SERINC5: variants seen among roughly 807,000 people sequenced by gnomAD.
SERINC5 encodes chromosome 5 open reading frame 12.
Under a neutral mutation model 63.1 loss-of-function variants are expected in SERINC5, and 41 were observed. That is an observed-to-expected ratio of 0.65 (90% CI 0.51 to 0.84). The LOEUF is 0.84. SERINC5 is among the 40% of genes least tolerant of loss of function. The pLI, the probability that SERINC5 is intolerant of heterozygous loss-of-function variation, is 0.00. For synonymous variants in SERINC5, 222 were observed against 215.2 expected (o/e 1.03, Z -0.28); for missense variants, 523 against 573.0 (o/e 0.91, Z 0.89).
chr5:80,171,902 AGAAAG>A (rs1321024716), intron 5 of SERINC5, among the ~76,000 whole-genome samples: 2 of 152,144 alleles, frequency 1.3e-5, no homozygotes, highest in Non-Finnish European at 2.9e-5. Context: ...AGACAAAAAA[AGAAAG>A]GAAAGAAAGA....
At chr5:80,210,853 C>T (rs920505929) in intron 1 of SERINC5, among the ~76,000 whole-genome samples, 16 of 152,206 alleles carry the variant, frequency 1.1e-4, no homozygotes, top group African/African-American at 2.4e-4. Context: ...AGGTAGATGA[C>T]GGGTGGTAGA....
At chr5:80,203,975 C>A (rs1376752373) in intron 1 of SERINC5, among the ~76,000 whole-genome samples, 3 of 152,108 alleles carry the variant, frequency 2.0e-5, no homozygotes, top group Non-Finnish European at 4.4e-5. Flanking sequence ...AATAGTGCCT[C>A]CATAAAAACC....
chr5:80,251,144 T>C (rs564245692), intron 1 of SERINC5, among the ~76,000 whole-genome samples: 1 of 152,182 alleles, frequency 6.6e-6, no homozygotes, highest in South Asian at 2.1e-4. Flanking sequence ...CCAGGCATGG[T>C]AGAACGCACC....
intron 7 of SERINC5, among the ~76,000 whole-genome samples, chr5:80,163,144 T>G (rs753259214): frequency 6.7e-6 from 1 of 149,660 alleles, no homozygotes; most frequent in African/African-American, 2.4e-5. Flanking sequence ...TGTGAGCCAA[T>G]GCACCCAGCC....
At chr5:80,151,717 G>A (rs1746193278) in intron 8 of SERINC5, among the ~76,000 whole-genome samples, 1 of 152,154 alleles carries the variant, frequency 6.6e-6, no homozygotes, top group African/African-American at 2.4e-5. Flanking sequence ...TAACTTTACA[G>A]ATTGATTTAG....
intron 2 of SERINC5, among the ~76,000 whole-genome samples, chr5:80,186,126 GAAAAAAA>G (rs10554934): frequency 8.0e-4 from 49 of 61,436 alleles, no homozygotes; most frequent in African/African-American, 2.1e-3. Flanking sequence ...TTCTTGTTTT[GAAAAAAA>G]AAAAAAAAAA....
chr5:80,249,237 C>T (rs1752293183), intron 1 of SERINC5, among the ~76,000 whole-genome samples: 2 of 151,552 alleles, frequency 1.3e-5, no homozygotes, highest in Non-Finnish European at 2.9e-5. Context: ...ATGGTGTGAA[C>T]CTGGGAGGCG....
chr5:80,183,934 G>T (rs1320569803), intron 2 of SERINC5, among the ~76,000 whole-genome samples: 1 of 152,194 alleles, frequency 6.6e-6, no homozygotes, highest in Non-Finnish European at 1.5e-5. Flanking sequence ...TGAGAAGTCA[G>T]TCACACAGGT....
At chr5:80,125,410 G>C (rs1744710079) in intron 11 of SERINC5, among the ~76,000 whole-genome samples, 1 of 152,208 alleles carries the variant, frequency 6.6e-6, no homozygotes, top group Admixed American at 6.5e-5. Context: ...GAGCTTGATA[G>C]AAATAGGGAA....
chr5:80,218,315 C>T (rs143007675), intron 1 of SERINC5, among the ~76,000 whole-genome samples: 3 of 152,144 alleles, frequency 2.0e-5, no homozygotes, highest in African/African-American at 7.2e-5. Context: ...CCAAGGTGGG[C>T]GGATCACCTG....
intron 9 of SERINC5, among the ~76,000 whole-genome samples, chr5:80,149,096 T>C (rs922890019): frequency 2.0e-5 from 3 of 152,220 alleles, no homozygotes; most frequent in Non-Finnish European, 2.9e-5. Context: ...CCATCCCGCA[T>C]GCTCTCCAGT....
downstream of SERINC5, among the ~76,000 whole-genome samples, chr5:80,111,366 C>T (rs1744102995): frequency 1.3e-5 from 2 of 152,070 alleles, no homozygotes; most frequent in South Asian, 4.1e-4. Flanking sequence ...AGCAGTCTTA[C>T]AGAAGTAAAA....
In SERINC5 at chr5:80,181,416, T is replaced by TGTGTGTGTGTGTGTGTGTG. The variant is rs1580124918; in HGVS notation, c.196-3353_196-3352insCACACACACACACACACAC. ...CATGCACCACCAAGCTCAGCTAATTTTGTGTGTGTGTGTGTGTGTGTGTGT... is the reference window on the plus strand; with the variant it reads ...CATGCACCACCAAGCTCAGCTAATTTGTGTGTGTGTGTGTGTGTGTGTGTGTGTGTGTGTGTGTGTGTGT... On this transcript the variant is annotated intron_variant, in intron 2 of 11. Coordinates refer to ENST00000507668, the MANE Select transcript of SERINC5 (RefSeq NM_001174072.3). Among the ~76,000 whole-genome samples, 969 of 145,428 alleles carry TGTGTGTGTGTGTGTGTGTG rather than the reference T, an allele frequency of 6.7e-3. 26 individuals carry two copies. Among genetic ancestry groups the TGTGTGTGTGTGTGTGTGTG allele is most frequent in the East Asian group, 0.031 (133 of 4,296 alleles).
chr5:80,214,961 T>C (rs1750599538), intron 1 of SERINC5, among the ~76,000 whole-genome samples: 1 of 152,160 alleles, frequency 6.6e-6, no homozygotes, highest in African/African-American at 2.4e-5. Flanking sequence ...AAAAAAAAAT[T>C]CCTTAAGCCT....
At chr5:80,236,323 C>T (rs1236034767) in intron 1 of SERINC5, among the ~76,000 whole-genome samples, 2 of 152,098 alleles carry the variant, frequency 1.3e-5, no homozygotes, top group Non-Finnish European at 2.9e-5. Flanking sequence ...GGCACACCAC[C>T]AGTAAATGGC....
rs147815315 is a variant in SERINC5 at position 80,141,330 on chromosome 5, G to C, written c.*2333C>G. ...GGCTGGGCTGGCTCCAGAAGGAAGC[G>C]ACGAGGGCCTTCTACCGGCCACACT... On this transcript the variant is annotated 3_prime_UTR_variant, in exon 12 of 12. Coordinates refer to ENST00000507668, the MANE Select transcript of SERINC5 (RefSeq NM_001174072.3). 3 of 985,432 alleles carry C rather than the reference G, an allele frequency of 3.0e-6. No homozygotes were observed. Among genetic ancestry groups the C allele is most frequent in the Non-Finnish European group, 3.6e-6 (3 of 829,942 alleles). 61.0% of individuals were successfully genotyped at this position (985,432 alleles called of 1,614,324 possible).
chr5:80,229,750 G>A (rs1035354), intron 1 of SERINC5, among the ~76,000 whole-genome samples: 80,916 of 152,008 alleles, frequency 0.53, 22,832 homozygotes, highest in African/African-American at 0.73. Flanking sequence ...TGCCTGGTCC[G>A]TAAGTGTTTA....
chr5:80,175,589 C>T (rs1747974012), intron 4 of SERINC5, among the ~76,000 whole-genome samples: 1 of 152,094 alleles, frequency 6.6e-6, no homozygotes, highest in Admixed American at 6.6e-5. Flanking sequence ...TGAGCTGGGG[C>T]TGGGCACAGT....
At chr5:80,216,834 G>A (rs1750690014) in intron 1 of SERINC5, among the ~76,000 whole-genome samples, 1 of 151,942 alleles carries the variant, frequency 6.6e-6, no homozygotes, top group Non-Finnish European at 1.5e-5. Flanking sequence ...AACATAGTGA[G>A]ACACTGTCTC....
Sources: gnomAD v4.1 joint callset for allele counts (sites outside exome capture counted in the v4.1 genomes callset) on GRCh38, gnomAD v4.1.1 for gene constraint, MANE v1.5 for transcripts, NCBI Gene and HGNC (gene_info 2026-07-23, HGNC 2026-07-21) for gene names.